The following ADARB2 variants were observed in gnomAD, a reference collection of about 807,000 sequenced individuals.
ADARB2 encodes the protein inactive double-stranded RNA-specific editase B2.
ADARB2 carries 25 observed loss-of-function variants against 62.2 expected under a neutral mutation model. That is an observed-to-expected ratio of 0.40 (90% CI 0.29 to 0.56). The LOEUF (loss-of-function observed/expected upper bound fraction) is 0.56. Among genes scored for constraint, ADARB2 ranks in the 20% least tolerant of loss-of-function variants. The pLI, the probability that ADARB2 is intolerant of heterozygous loss-of-function variation, is 0.43. For missense variants in ADARB2, 1,071 were observed against 1,077.4 expected (o/e 0.99, Z 0.08); for synonymous variants, 572 against 500.8 (o/e 1.14, Z -1.90).
At chr10:1,183,879 A>G (rs901129187) in intron 9 of ADARB2, among the ~76,000 whole-genome samples, 1 of 152,186 alleles carries the variant, frequency 6.6e-6, no homozygotes, top group East Asian at 1.9e-4. Context: ...GGATGGGGCC[A>G]TGGGGGAGCT....
chr10:1,498,954 A>C (rs531997387), intron 1 of ADARB2, among the ~76,000 whole-genome samples: 1 of 151,820 alleles, frequency 6.6e-6, no homozygotes, highest in Non-Finnish European at 1.5e-5. Context: ...TTACTCATTT[A>C]TTACTCATCA....
chr10:1,627,739 T>C (rs1036178159), intron 1 of ADARB2, among the ~76,000 whole-genome samples: 2 of 152,228 alleles, frequency 1.3e-5, no homozygotes, highest in Admixed American at 6.5e-5. Context: ...CAGCTGTCTG[T>C]ACTGCTCTCT....
intron 1 of ADARB2, among the ~76,000 whole-genome samples, chr10:1,715,376 GAAAT>G (rs1316486226): frequency 6.6e-6 from 1 of 152,142 alleles, no homozygotes; most frequent in Non-Finnish European, 1.5e-5. Flanking sequence ...GTTTGAAAAT[GAAAT>G]AAAAGTCACT....
chr10:1,694,965 C>G (rs1834720764), intron 1 of ADARB2, among the ~76,000 whole-genome samples: 3 of 152,170 alleles, frequency 2.0e-5, no homozygotes, highest in African/African-American at 7.2e-5. Context: ...TCCACGCCTG[C>G]ACCGGGAGGG....
At chr10:1,411,341 G>A (rs374393671) in intron 1 of ADARB2, among the ~76,000 whole-genome samples, 1 of 152,170 alleles carries the variant, frequency 6.6e-6, no homozygotes. Context: ...CGGAGGCTCC[G>A]TCGTTAGCCC....
At chr10:1,208,578 G>A (rs568692973) in intron 7 of ADARB2, among the ~76,000 whole-genome samples, 144 of 152,348 alleles carry the variant, frequency 9.5e-4, no homozygotes, top group Middle Eastern at 3.4e-3. Context: ...TGGGCGGACT[G>A]AGGTGCCTCA....
intron 1 of ADARB2, among the ~76,000 whole-genome samples, chr10:1,401,126 G>A (rs1043207726): frequency 3.3e-5 from 5 of 152,124 alleles, no homozygotes; most frequent in African/African-American, 4.8e-5. Flanking sequence ...TGTGTGTCCC[G>A]GCAGCCACAA....
rs1417611143 is a variant in ADARB2, at chr10:1,439,300, G to A, written c.101-60140C>T. 1.8e-4 allele frequency among the ~76,000 whole-genome samples: 25 copies of A among 137,550 alleles called. 2 individuals are homozygous for A. Among genetic ancestry groups the A allele is most frequent in the African/African-American group, 3.2e-4 (11 of 34,652 alleles). 90.2% of individuals were successfully genotyped at this position (137,550 alleles called of 152,430 possible). On this transcript the variant is annotated intron_variant, in intron 1 of 9. Transcript: ENST00000381312. ...CAGATGGAGGCAGGTCCTTCACTAT[G>A]GGGCTTCTGAGTCTCTCCCAGGATG... is the stretch of plus-strand genomic sequence containing the variant.
At chr10:1,287,325 C>G (rs193080518) in intron 3 of ADARB2, among the ~76,000 whole-genome samples, 3 of 152,328 alleles carry the variant, frequency 2.0e-5, no homozygotes, top group African/African-American at 7.2e-5. Flanking sequence ...GATACATATA[C>G]ACATTGTGGG....
At chr10:1,621,307 C>T (rs901497019) in intron 1 of ADARB2, among the ~76,000 whole-genome samples, 7 of 152,038 alleles carry the variant, frequency 4.6e-5, no homozygotes, top group Non-Finnish European at 7.4e-5. Flanking sequence ...TATCAATCGT[C>T]TTTTTATATA....
At chr10:1,262,321 A>ATAATAAT (rs397743234) in intron 4 of ADARB2, among the ~76,000 whole-genome samples, 7 of 147,442 alleles carry the variant, frequency 4.7e-5, no homozygotes, top group Admixed American at 2.7e-4. Flanking sequence ...AATAATAATA[A>ATAATAAT]AAGAAACCAC....
intron 1 of ADARB2, among the ~76,000 whole-genome samples, chr10:1,584,818 G>A (rs911319785): frequency 4.6e-5 from 7 of 152,274 alleles, no homozygotes; most frequent in Non-Finnish European, 8.8e-5. Context: ...AAATGTAAGT[G>A]CATATTGCTA....
chr10:1,628,753 T>C (rs1833803714), intron 1 of ADARB2, among the ~76,000 whole-genome samples: 1 of 152,250 alleles, frequency 6.6e-6, no homozygotes, highest in African/African-American at 2.4e-5. Context: ...TACAAAGACT[T>C]TCCTGGTGTG....
At chr10:1,683,863 G>A (rs959300479) in intron 1 of ADARB2, among the ~76,000 whole-genome samples, 4 of 152,228 alleles carry the variant, frequency 2.6e-5, no homozygotes, top group Non-Finnish European at 5.9e-5. Flanking sequence ...GAGGCCGGAT[G>A]TGAGGGGTGG....
At chr10:1,626,737 C>T (rs1001611142) in intron 1 of ADARB2, among the ~76,000 whole-genome samples, 1 of 152,204 alleles carries the variant, frequency 6.6e-6, no homozygotes, top group African/African-American at 2.4e-5. Context: ...TGTCGCTCAC[C>T]ACCTGTTAAC....
chr10:1,676,565 T>G (rs536102267), intron 1 of ADARB2, among the ~76,000 whole-genome samples: 1 of 152,230 alleles, frequency 6.6e-6, no homozygotes, highest in East Asian at 1.9e-4. Context: ...CTTGCAATAT[T>G]CTCCAGACTG....
chr10:1,722,005 G>A (rs1482892389), intron 1 of ADARB2, among the ~76,000 whole-genome samples: 1 of 152,152 alleles, frequency 6.6e-6, no homozygotes, highest in Non-Finnish European at 1.5e-5. Context: ...GGTTTAAAAT[G>A]TTTAACTATC....
intron 1 of ADARB2, among the ~76,000 whole-genome samples, chr10:1,383,300 G>T (rs1298025247): frequency 6.6e-6 from 1 of 152,168 alleles, no homozygotes; most frequent in Non-Finnish European, 1.5e-5. Context: ...GAGGGAAAGA[G>T]ATACTCACTG....
At chr10:1,525,670 C>G (rs1832131078) in intron 1 of ADARB2, among the ~76,000 whole-genome samples, 1 of 152,178 alleles carries the variant, frequency 6.6e-6, no homozygotes, top group African/African-American at 2.4e-5. Context: ...GGGTGGCTTG[C>G]AGAAGACGCC....
Sources: allele counts gnomAD v4.1 joint callset (sites outside exome capture counted in the v4.1 genomes callset), GRCh38; gene constraint gnomAD v4.1.1; transcripts MANE v1.5; gene names NCBI Gene and HGNC (gene_info 2026-07-23, HGNC 2026-07-21).